AK5: variants seen among roughly 807,000 people sequenced by gnomAD.
AK5 encodes the protein adenylate kinase 5.
Under a neutral mutation model 69.5 loss-of-function variants are expected in AK5, and 27 were observed. That is an observed-to-expected ratio of 0.39 (90% CI 0.29 to 0.54). The LOEUF is 0.54. Ranked by LOEUF, AK5 falls within the 20% of genes least tolerant of loss-of-function variation. The pLI is 0.71. For missense variants in AK5, 531 were observed against 700.4 expected, an observed-to-expected ratio of 0.76 and a Z score of 2.73; for synonymous variants, 260 against 244.4, an observed-to-expected ratio of 1.06 and a Z score of -0.60.
intron 5 of AK5, among the ~76,000 whole-genome samples, chr1:77,312,463 A>G (rs1156632892): frequency 2.0e-5 from 3 of 151,984 alleles, no homozygotes; most frequent in African/African-American, 7.3e-5. Context: ...AAAAATACAA[A>G]AATCAGCCAG....
intron 8 of AK5, among the ~76,000 whole-genome samples, chr1:77,471,284 T>C (rs1478399780): frequency 6.6e-6 from 1 of 152,070 alleles, no homozygotes; most frequent in African/African-American, 2.4e-5. Flanking sequence ...TTGAGGCACA[T>C]CCCCTAAGCC....
chr1:77,392,756 G>A (rs1648569688), intron 6 of AK5, among the ~76,000 whole-genome samples: 1 of 151,156 alleles, frequency 6.6e-6, no homozygotes, highest in Admixed American at 6.6e-5. Context: ...GTGGCCAAAG[G>A]AATGATTGCT....
chr1:77,325,469 C>T (rs1029810222), intron 5 of AK5, among the ~76,000 whole-genome samples: 1 of 152,034 alleles, frequency 6.6e-6, no homozygotes, highest in African/African-American at 2.4e-5. Context: ...TTATTTTCTT[C>T]CTCTCCCTAC....
chr1:77,484,319 G>A (rs551496639), intron 9 of AK5, among the ~76,000 whole-genome samples: 2 of 152,228 alleles, frequency 1.3e-5, no homozygotes, highest in Non-Finnish European at 2.9e-5. Context: ...TATCTACCCT[G>A]TAATAAAAGT....
chr1:77,439,338 C>T (rs977878963), intron 8 of AK5, among the ~76,000 whole-genome samples: 10 of 152,146 alleles, frequency 6.6e-5, no homozygotes, highest in Admixed American at 4.6e-4. Context: ...TTTTGGTGCA[C>T]GCATACAATG....
chr1:77,358,018 T>TGTGTGAGA (rs762714026), intron 6 of AK5, among the ~76,000 whole-genome samples: 135 of 128,270 alleles, frequency 1.1e-3, no homozygotes, highest in Non-Finnish European at 1.4e-3. Context: ...TGTGTGTGTG[T>TGTGTGAGA]GAGAGAGAGA....
At chr1:77,406,763 C>T (rs1014124400) in intron 6 of AK5, among the ~76,000 whole-genome samples, 1 of 148,970 alleles carries the variant, frequency 6.7e-6, no homozygotes, top group African/African-American at 2.5e-5. Flanking sequence ...TCACACCAGG[C>T]TTGGAATAGT....
intron 7 of AK5, among the ~76,000 whole-genome samples, chr1:77,411,434 T>C (rs1055917538): frequency 6.6e-6 from 1 of 152,182 alleles, no homozygotes; most frequent in Admixed American, 6.5e-5. Context: ...TCTACCTCAT[T>C]GCCTGGATAA....
At chr1:77,460,252 A>G (rs969726610) in intron 8 of AK5, among the ~76,000 whole-genome samples, 1 of 152,166 alleles carries the variant, frequency 6.6e-6, no homozygotes, top group African/African-American at 2.4e-5. Flanking sequence ...ATAAGAGATT[A>G]TATTATTGCT....
chr1:77,374,306 G>A (rs1389632773), intron 6 of AK5, among the ~76,000 whole-genome samples: 1 of 151,876 alleles, frequency 6.6e-6, no homozygotes, highest in Non-Finnish European at 1.5e-5. Flanking sequence ...ATAGCAAAGT[G>A]TCCAATTAAT....
chr1:77,310,462 C>T (rs1375886482), intron 5 of AK5, among the ~76,000 whole-genome samples: 1 of 152,084 alleles, frequency 6.6e-6, no homozygotes, highest in Non-Finnish European at 1.5e-5. Context: ...TCACTGCAAG[C>T]TCCGCCTTCC....
chr1:77,407,292 A>G (rs1013657345), intron 6 of AK5, among the ~76,000 whole-genome samples: 4 of 152,194 alleles, frequency 2.6e-5, no homozygotes, highest in African/African-American at 7.2e-5. Flanking sequence ...TGGGCTTAAT[A>G]TATCCACACA....
rs1457479016 is a variant in AK5, at chr1:77,411,015, A to G, written c.926A>G (p.Tyr309Cys). The G allele has an allele frequency of 5.0e-6, 8 of 1,613,970 alleles. No homozygotes were observed. Among genetic ancestry groups the G allele is most frequent in the Non-Finnish European group, 5.9e-6 (7 of 1,179,932 alleles). Residue 309 changes from tyrosine (Y) to cysteine (C), a missense_variant, in exon 7 of 14, where the codon TAT becomes TGT. Transcript: ENST00000354567. ...GACCGCGATGAGGATGAGGTGTTCTATGACATCAGCATGGCAGTTGACAAC... is the reference window on the plus strand; with the variant it reads ...GACCGCGATGAGGATGAGGTGTTCTGTGACATCAGCATGGCAGTTGACAAC... ...DADRDEDEVF[Y>C]DISMAVDNKL...
chr1:77,373,606 A>C (rs1190456639), intron 6 of AK5, among the ~76,000 whole-genome samples: 2 of 152,044 alleles, frequency 1.3e-5, no homozygotes, highest in East Asian at 3.9e-4. Context: ...GGAGCTTGTA[A>C]TCCCAGCTAC....
At chr1:77,392,350 G>A (rs939821384) in intron 6 of AK5, among the ~76,000 whole-genome samples, 10 of 152,136 alleles carry the variant, frequency 6.6e-5, no homozygotes, top group Admixed American at 6.5e-4. Flanking sequence ...CTCTTCTTCA[G>A]GGTAATTACT....
intron 3 of AK5, among the ~76,000 whole-genome samples, chr1:77,296,943 A>G (rs756373662): frequency 3.3e-5 from 5 of 152,162 alleles, no homozygotes; most frequent in Non-Finnish European, 7.4e-5. Context: ...AAATGAGTTC[A>G]CTGTAGGTGT....
At chr1:77,457,287 G>A (rs1362349304) in intron 8 of AK5, among the ~76,000 whole-genome samples, 7 of 152,106 alleles carry the variant, frequency 4.6e-5, no homozygotes, top group Non-Finnish European at 7.4e-5. Context: ...ATGTGGAGAC[G>A]CAGGTCCCTC....
chr1:77,310,377 G>T (rs2815320), intron 5 of AK5, among the ~76,000 whole-genome samples: 134,423 of 151,976 alleles, frequency 0.88, 59,870 homozygotes, highest in Middle Eastern at 0.97. Flanking sequence ...TGTTTTTTTG[G>T]TTTTTATTTT....
intron 8 of AK5, among the ~76,000 whole-genome samples, chr1:77,442,370 A>G (rs1652383583): frequency 6.6e-6 from 1 of 152,204 alleles, no homozygotes; most frequent in African/African-American, 2.4e-5. Flanking sequence ...AGAGAGCTAT[A>G]TGGACTCCAG....
Sources: gnomAD v4.1 joint callset for allele counts (sites outside exome capture counted in the v4.1 genomes callset) on GRCh38, gnomAD v4.1.1 for gene constraint, MANE v1.5 for transcripts, NCBI Gene and HGNC (gene_info 2026-07-23, HGNC 2026-07-21) for gene names.